ARFIP1: variants seen among roughly 807,000 people sequenced by gnomAD.
The protein encoded by ARFIP1 is arfaptin-1.
Under a neutral mutation model 42.5 loss-of-function variants are expected in ARFIP1, and 24 were observed. The ratio of observed to expected loss-of-function variants is 0.57; its 90% CI spans 0.41 to 0.80. The LOEUF (loss-of-function observed/expected upper bound fraction) is 0.80. Among genes scored for constraint, ARFIP1 ranks in the 30% least tolerant of loss-of-function variants. ARFIP1 has a pLI of 0.00. For missense variants in ARFIP1, 354 were observed against 434.0 expected (o/e 0.82, Z 1.64); for synonymous variants, 141 against 153.7 (o/e 0.92, Z 0.61).
chr4:152,856,881 A>G (rs934060401), intron 2 of ARFIP1, among the ~76,000 whole-genome samples: 1 of 152,246 alleles, frequency 6.6e-6, no homozygotes, highest in African/African-American at 2.4e-5. Flanking sequence ...AAGTTTACAA[A>G]TTATTTCAGT....
At chr4:152,801,639 C>T (rs929006427) in intron 1 of ARFIP1, among the ~76,000 whole-genome samples, 1 of 152,164 alleles carries the variant, frequency 6.6e-6, no homozygotes, top group African/African-American at 2.4e-5. Context: ...CACAAGGCTG[C>T]AGACAGTAAC....
intron 8 of ARFIP1, among the ~76,000 whole-genome samples, chr4:152,901,673 A>G (rs1179665499): frequency 6.6e-6 from 1 of 152,112 alleles, no homozygotes; most frequent in African/African-American, 2.4e-5. Flanking sequence ...TCCTGTTTTA[A>G]ATCTCTGCCT....
intron 2 of ARFIP1, among the ~76,000 whole-genome samples, chr4:152,862,627 T>G (rs1265734644): frequency 6.6e-6 from 1 of 152,194 alleles, no homozygotes; most frequent in African/African-American, 2.4e-5. Context: ...TCTAAAAATT[T>G]AGCTTACTAG....
chr4:152,780,454 A>G (rs774776838), intron 1 of ARFIP1, among the ~76,000 whole-genome samples: 3 of 152,040 alleles, frequency 2.0e-5, no homozygotes, highest in Non-Finnish European at 2.9e-5. Flanking sequence ...AAGGTGTAGG[A>G]CCGGCCCTTG....
At chr4:152,900,836 TTTTTTCTTACACACC>T (rs888292877) in intron 8 of ARFIP1, among the ~76,000 whole-genome samples, 9 of 152,244 alleles carry the variant, frequency 5.9e-5, no homozygotes, top group African/African-American at 1.9e-4. Flanking sequence ...ATTTTTACAC[TTTTTTCTTACACACC>T]TTTTTCTTAC....
intron 2 of ARFIP1, among the ~76,000 whole-genome samples, chr4:152,835,779 T>C (rs373311195): frequency 3.5e-4 from 53 of 152,336 alleles, no homozygotes; most frequent in Admixed American, 1.3e-3. Flanking sequence ...AAAAAGAGTT[T>C]TATTTGGCTC....
At chr4:152,791,785 A>T (rs1175608338) in intron 1 of ARFIP1, among the ~76,000 whole-genome samples, 1 of 152,184 alleles carries the variant, frequency 6.6e-6, no homozygotes, top group Non-Finnish European at 1.5e-5. Context: ...TAAGTTAAAT[A>T]TAATGTGATA....
intron 2 of ARFIP1, among the ~76,000 whole-genome samples, chr4:152,863,100 A>T (rs1290340672): frequency 6.6e-6 from 1 of 152,138 alleles, no homozygotes; most frequent in Non-Finnish European, 1.5e-5. Context: ...TCATTGTGCA[A>T]TGTAAATCTA....
intron 1 of ARFIP1, among the ~76,000 whole-genome samples, chr4:152,794,547 A>G (rs1561100776): frequency 6.6e-6 from 1 of 152,124 alleles, no homozygotes; most frequent in Non-Finnish European, 1.5e-5. Flanking sequence ...TACACTGTGA[A>G]GTTACTATCT....
chr4:152,900,692 A>G (rs1737753179), intron 8 of ARFIP1, among the ~76,000 whole-genome samples: 1 of 152,200 alleles, frequency 6.6e-6, no homozygotes, highest in African/African-American at 2.4e-5. Context: ...CTTGCCTCTT[A>G]TTCTTCTGAT....
chr4:152,901,780 T>A (rs946597866), intron 8 of ARFIP1, among the ~76,000 whole-genome samples: 1 of 152,224 alleles, frequency 6.6e-6, no homozygotes, highest in Non-Finnish European at 1.5e-5. Context: ...TATGGGAAGA[T>A]TATATAAAAG....
chr4:152,845,005 A>G (rs1222918449), intron 2 of ARFIP1, among the ~76,000 whole-genome samples: 2 of 152,222 alleles, frequency 1.3e-5, no homozygotes, highest in African/African-American at 2.4e-5. Context: ...CTGGTACAAA[A>G]ACAGGCACAT....
chr4:152,863,792 A>C, intron 3 of ARFIP1, 78 bp downstream of exon 3: 2 of 890,194 alleles, frequency 2.2e-6, no homozygotes, highest in Non-Finnish European at 3.6e-6. Context: ...TTATTAATAA[A>C]GCACAAGAAT....
intron 2 of ARFIP1, among the ~76,000 whole-genome samples, chr4:152,840,154 G>A (rs768725892): frequency 6.6e-6 from 1 of 152,186 alleles, no homozygotes; most frequent in Non-Finnish European, 1.5e-5. Context: ...ATTGAGGTTC[G>A]TTTTGTAGCC....
Position 152,872,364 on chromosome 4 carries a change from A to G in ARFIP1, c.299-88A>G, listed in dbSNP as rs556428468. 5.8e-6 allele frequency: 5 copies of G among 854,752 alleles called. No homozygotes were observed. In the African/African-American group the frequency reaches 7.1e-5, roughly 12 times the overall value. 52.9% of individuals were successfully genotyped at this position (854,752 alleles called of 1,614,324 possible). ...TTTTTTCTTTTTTTAGATGCATAAG[A>G]ATTTCAATTTGAACAATATCAGGGT... On this transcript the variant is annotated intron_variant, in intron 4 of 8. Coordinates refer to ENST00000353617, the MANE Select transcript of ARFIP1 (RefSeq NM_001025595.3).
chr4:152,869,452 C>G (rs9307897), intron 3 of ARFIP1, among the ~76,000 whole-genome samples: 2 of 149,230 alleles, frequency 1.3e-5, no homozygotes, highest in Non-Finnish European at 1.5e-5. Flanking sequence ...TTCTTTCTTT[C>G]TTTTTTTTTT....
At chr4:152,902,381 A>G (rs1298951891) in intron 8 of ARFIP1, among the ~76,000 whole-genome samples, 1 of 152,168 alleles carries the variant, frequency 6.6e-6, no homozygotes, top group Non-Finnish European at 1.5e-5. Flanking sequence ...GCGCACCATT[A>G]TTCCTAGTTA....
In ARFIP1 at chr4:152,911,924, G is replaced by T. The variant is rs1324124339; in HGVS notation, c.*1705G>T. On this transcript the variant is annotated 3_prime_UTR_variant, in exon 9 of 9. Coordinates refer to ENST00000353617, the MANE Select transcript of ARFIP1 (RefSeq NM_001025595.3). ...TTTGCTGCAGTAAATCGTTTCTCTG[G>T]ACCTTCATAGTTTAAGAAGTAACTA... 1 of 152,314 alleles carries T rather than the reference G, an allele frequency of 6.6e-6. No individual in the cohort carries two copies. The highest frequency in any genetic ancestry group is 1.5e-5 in the Non-Finnish European group (1 of 67,964). 9.4% of individuals were successfully genotyped at this position (152,314 alleles called of 1,614,324 possible). A position where few individuals can be genotyped will look rare whatever the true frequency, so the allele number is the denominator to read the frequency against.
At chr4:152,866,015 G>A (rs1309138029) in intron 3 of ARFIP1, among the ~76,000 whole-genome samples, 1 of 151,876 alleles carries the variant, frequency 6.6e-6, no homozygotes, top group African/African-American at 2.4e-5. Context: ...AGGACCCTGC[G>A]GCCTTCCGCA....
Sources: gnomAD v4.1 joint callset for allele counts (sites outside exome capture counted in the v4.1 genomes callset) on GRCh38, gnomAD v4.1.1 for gene constraint, MANE v1.5 for transcripts, NCBI Gene and HGNC (gene_info 2026-07-23, HGNC 2026-07-21) for gene names.